Variants in TNRC6B observed in about 807,000 individuals in gnomAD.
TNRC6B encodes trinucleotide repeat containing adaptor 6B, also known as trinucleotide repeat-containing gene 6B protein.
Under a neutral mutation model 203.6 loss-of-function variants are expected in TNRC6B, and 52 were observed. The ratio of observed to expected loss-of-function variants is 0.26; its 90% CI spans 0.20 to 0.32. The LOEUF is 0.32. Ranked by LOEUF, TNRC6B falls within the 10% of genes least tolerant of loss-of-function variation. The pLI is 1.00. For missense variants in TNRC6B, 1,923 were observed against 2,286.2 expected (o/e 0.84, Z 3.24); for synonymous variants, 838 against 845.7 (o/e 0.99, Z 0.16).
rs1175278577 is a variant in TNRC6B, at chr22:40,265,016, C to T, written c.786C>T (p.Asp262=). The T allele has an allele frequency of 1.2e-6, 2 of 1,613,826 alleles. No homozygotes were observed. The highest frequency in any genetic ancestry group is 1.3e-5 in the African/African-American group (1 of 74,898). ...NECNLGVWKS[D]PKAKSVQSSN... ...GTAATCTTGGGGTCTGGAAATCTGACCCTAAGGCTAAATCTGTTCAATCTT... is the reference window on the plus strand; with the variant it reads ...GTAATCTTGGGGTCTGGAAATCTGATCCTAAGGCTAAATCTGTTCAATCTT... Residue 262 remains aspartate, a synonymous_variant, in exon 5 of 23, where the codon GAC becomes GAT. Coordinates refer to ENST00000454349, the MANE Select transcript of TNRC6B (RefSeq NM_001162501.2).
chr22:40,200,060 A>G (rs2069389819), intron 1 of TNRC6B, among the ~76,000 whole-genome samples: 1 of 151,784 alleles, frequency 6.6e-6, no homozygotes, highest in Non-Finnish European at 1.5e-5. Context: ...CGGCCTCTCA[A>G]AGTGCTGGGT....
chr22:40,263,039 TAAA>T (rs34886394), intron 4 of TNRC6B, among the ~76,000 whole-genome samples: 19 of 134,714 alleles, frequency 1.4e-4, no homozygotes, highest in Middle Eastern at 3.8e-3. Flanking sequence ...GACTCCGTCT[TAAA>T]AAAAAAAAAA....
At position 40,265,172 on chromosome 22, in the gene TNRC6B, G is replaced by A; in HGVS notation, c.942G>A (p.Leu314=). ...GCAACCCATCTGCCTGGCCAGCACT[G>A]GTCCAAGAAGGAACTTCTAGGAAAG... ...PNSNPSAWPA[L]VQEGTSRKGA... The change falls in exon 5 of 23, where the codon CTG becomes CTA. Residue 314 remains leucine (L), a synonymous_variant. Coordinates refer to ENST00000454349, the MANE Select transcript of TNRC6B (RefSeq NM_001162501.2). 1 of 1,613,930 alleles carries A rather than the reference G, an allele frequency of 6.2e-7. No individual in the cohort carries two copies. Among genetic ancestry groups the A allele is most frequent in the Non-Finnish European group, 8.5e-7 (1 of 1,179,888 alleles).
intron 4 of TNRC6B, among the ~76,000 whole-genome samples, chr22:40,169,550 G>T (rs569248447): frequency 6.6e-6 from 1 of 152,118 alleles, no homozygotes; most frequent in East Asian, 1.9e-4. Context: ...AATATACTGC[G>T]TACTTACATA....
rs1189421682 is a variant in TNRC6B, at chr22:40,277,082, A to G, written c.3147A>G (p.Ser1049=). ...GQGGKKQMKC[S]LKGGNNDSWM... ...TCCGTGTTTCATTTCTGTAGTGCTC[A>G]CTCAAAGGAGGAAACAATGATTCAT... Residue 1049 remains serine, a synonymous_variant, in exon 8 of 23, where the codon TCA becomes TCG. Transcript: ENST00000454349. 6.3e-7 allele frequency: 1 copy of G among 1,599,052 alleles called. No individual in the cohort carries two copies. The highest frequency in any genetic ancestry group is 1.7e-5 in the Admixed American group (1 of 57,224).
chr22:40,179,590 A>G (rs1039922348), intron 1 of TNRC6B, among the ~76,000 whole-genome samples: 5 of 152,208 alleles, frequency 3.3e-5, no homozygotes, highest in Non-Finnish European at 7.3e-5. Flanking sequence ...ATTAAGCATA[A>G]ATGGAATAAT....
intron 3 of TNRC6B, among the ~76,000 whole-genome samples, chr22:40,260,298 A>G (rs150860497): frequency 1.0e-3 from 152 of 152,214 alleles, no homozygotes; most frequent in African/African-American, 3.6e-3. Flanking sequence ...AGCTGTAGAA[A>G]CCAGAACCAA....
chr22:40,065,178 C>T (rs2146275157), intron 1 of TNRC6B, among the ~76,000 whole-genome samples: 1 of 152,068 alleles, frequency 6.6e-6, no homozygotes, highest in South Asian at 2.1e-4. Context: ...TGATAGAATT[C>T]CCCAGTGAGC....
chr22:40,303,143 C>CCT (rs1052313175), intron 15 of TNRC6B, among the ~76,000 whole-genome samples: 6 of 151,290 alleles, frequency 4.0e-5, no homozygotes, highest in Non-Finnish European at 8.8e-5. Context: ...GATTCTCCTG[C>CCT]CTCAGCCTCC....
chr22:40,275,756 C>T (rs924149720), intron 7 of TNRC6B, among the ~76,000 whole-genome samples: 4 of 151,350 alleles, frequency 2.6e-5, no homozygotes, highest in African/African-American at 9.7e-5. Context: ...GTCAAGAGTT[C>T]AAGACCAGCC....
intron 1 of TNRC6B, among the ~76,000 whole-genome samples, chr22:40,109,279 A>G (rs905285057): frequency 2.6e-5 from 4 of 152,182 alleles, no homozygotes; most frequent in Non-Finnish European, 5.9e-5. Flanking sequence ...AATGATTTAT[A>G]TTCCTTTGGG....
At chr22:40,090,415 T>A (rs908214367) in intron 1 of TNRC6B, among the ~76,000 whole-genome samples, 6 of 146,706 alleles carry the variant, frequency 4.1e-5, no homozygotes, top group African/African-American at 7.7e-5. Context: ...TTTTTTTTTT[T>A]AAATTTGTAG....
intron 4 of TNRC6B, among the ~76,000 whole-genome samples, chr22:40,172,645 T>C (rs2069012820): frequency 6.6e-6 from 1 of 152,236 alleles, no homozygotes; most frequent in Non-Finnish European, 1.5e-5. Context: ...TTTTGTACCA[T>C]CTTAGTCTAA....
chr22:40,190,635 C>T (rs2069258900), intron 1 of TNRC6B, among the ~76,000 whole-genome samples: 3 of 152,312 alleles, frequency 2.0e-5, no homozygotes, highest in Admixed American at 2.0e-4. Context: ...GCACTTTACT[C>T]CTGTAATCAG....
chr22:40,213,254 C>T (rs2069588885), intron 1 of TNRC6B, among the ~76,000 whole-genome samples: 2 of 152,168 alleles, frequency 1.3e-5, no homozygotes, highest in African/African-American at 4.8e-5. Flanking sequence ...ATATATTTTA[C>T]CATAATGGAA....
At chr22:40,194,243 G>A (rs2069308932) in intron 1 of TNRC6B, among the ~76,000 whole-genome samples, 1 of 152,158 alleles carries the variant, frequency 6.6e-6, no homozygotes, top group Non-Finnish European at 1.5e-5. Flanking sequence ...CACTTCCTGG[G>A]GTAAACCCCG....
At chr22:40,268,919 T>A (rs189923987) in intron 5 of TNRC6B, among the ~76,000 whole-genome samples, 1,912 of 146,170 alleles carry the variant, frequency 0.013, 42 homozygotes, top group African/African-American at 0.041. Context: ...TCTCAAAAAA[T>A]AATAATAATA....
chr22:40,285,767 C>A lies in TNRC6B; in HGVS notation c.3705C>A (p.Pro1235=). The A allele has an allele frequency of 6.2e-7, 1 of 1,613,296 alleles. No homozygotes were observed. The highest frequency in any genetic ancestry group is 8.5e-7 in the Non-Finnish European group (1 of 1,179,682). ...RAQVPPQFIS[P]QVSASMLKQF... ...AAGTGCCTCCCCAGTTTATTTCCCC[C>A]CAGGTAAGCAATTTTACGTTCCTGT... is the stretch of plus-strand genomic sequence containing the variant. The change falls in exon 12 of 23, where the codon CCC becomes CCA. Residue 1235 remains proline, a synonymous_variant. Transcript: ENST00000454349.
At chr22:40,153,280 T>C (rs1256230028) in intron 3 of TNRC6B, among the ~76,000 whole-genome samples, 3 of 152,034 alleles carry the variant, frequency 2.0e-5, no homozygotes, top group Admixed American at 2.0e-4. Context: ...AGACAGAGGA[T>C]CTGGGAAACA....
Sources: gnomAD v4.1 joint callset for allele counts (sites outside exome capture counted in the v4.1 genomes callset) on GRCh38, gnomAD v4.1.1 for gene constraint, MANE v1.5 for transcripts, NCBI Gene and HGNC (gene_info 2026-07-23, HGNC 2026-07-21) for gene names.